The following CEACAM19 variants were observed in gnomAD, a reference collection of about 807,000 sequenced individuals.
CEACAM19 encodes cell adhesion molecule CEACAM19.
CEACAM19 carries 37 observed loss-of-function variants against 37.6 expected under a neutral mutation model. That is an observed-to-expected ratio of 0.98 (90% CI 0.76 to 1.29). CEACAM19 has a LOEUF of 1.29. CEACAM19 is among the 50% of genes most tolerant of loss of function. CEACAM19 has a pLI of 0.00. For synonymous variants in CEACAM19, 140 were observed against 149.8 expected (o/e 0.93, Z 0.48); for missense variants, 340 against 375.6 (o/e 0.91, Z 0.78).
chr19:44,683,433 G>A lies in CEACAM19; in HGVS notation c.847-4G>A, dbSNP rs1974100817. 1 of 1,533,702 alleles carries A rather than the reference G, an allele frequency of 6.5e-7. No individual in the cohort carries two copies. ...TAATTCTGTTCTCTCTTCCCCCCAA[G>A]CAGGACCTGCTAAACCCCGACCCTG... On this transcript the variant is annotated splice_region_variant and splice_polypyrimidine_tract_variant and intron_variant, in intron 7 of 7. Transcript: ENST00000358777.
chr19:44,677,487 T>C (rs529672362), intron 3 of CEACAM19: 88 of 152,152 alleles, frequency 5.8e-4, no homozygotes, highest in African/African-American at 2.0e-3. Flanking sequence ...CAGTCCTGTT[T>C]CCCCCAGGGA....
chr19:44,680,181 C>A, intron 4 of CEACAM19, 107 bp from the exon 5 acceptor site: 1 of 840,298 alleles, frequency 1.2e-6, no homozygotes, highest in Non-Finnish European at 2.0e-6. Flanking sequence ...AAGGAGAGAC[C>A]ATGTGGCTTT....
upstream of CEACAM19, among the ~76,000 whole-genome samples, chr19:44,668,636 ATAT>A (rs1163148179): frequency 1.5e-4 from 8 of 54,584 alleles, no homozygotes; most frequent in South Asian, 5.6e-4. Flanking sequence ...TTATATACAC[ATAT>A]TATATATGTA....
intron 2 of CEACAM19, among the ~76,000 whole-genome samples, chr19:44,675,364 G>A (rs112723153): frequency 0.011 from 1,614 of 152,200 alleles, 28 homozygotes; most frequent in African/African-American, 0.037. Context: ...CCAGGTAGGC[G>A]TGGTCTTAAT....
At position 44,676,257 on chromosome 19, in the gene CEACAM19, C is replaced by T; in HGVS notation, c.425-14C>T. 3 of 1,613,006 alleles carry T rather than the reference C, an allele frequency of 1.9e-6. No homozygotes were observed. The highest frequency in any genetic ancestry group is 2.5e-6 in the Non-Finnish European group (3 of 1,179,308). ...CACAGTCCCCCCTCTCTCTTTCTTTCTCTCACCCCTCAGAAAAGAATAAGG... is the reference window on the plus strand; with the variant it reads ...CACAGTCCCCCCTCTCTCTTTCTTTTTCTCACCCCTCAGAAAAGAATAAGG... On this transcript the variant is annotated splice_polypyrimidine_tract_variant and intron_variant, in intron 2 of 7. Coordinates refer to ENST00000358777, the MANE Select transcript of CEACAM19 (RefSeq NM_001127893.3).
chr19:44,667,444 G>C (rs1973732599), upstream of CEACAM19: 1 of 148,948 alleles, frequency 6.7e-6, no homozygotes, highest in Admixed American at 7.0e-5. Context: ...TGGCTAGTTT[G>C]AGGAACTGCA....
chr19:44,668,220 A>ATTTATATATTATATTTATATAATATG (rs1568512651), upstream of CEACAM19, among the ~76,000 whole-genome samples: 56 of 85,668 alleles, frequency 6.5e-4, no homozygotes, highest in African/African-American at 2.4e-3. Flanking sequence ...TTTATATAAT[A>ATTTATATATTATATTTATATAATATG]TTTATATATT....
chr19:44,675,808 G>T (rs981582008), intron 2 of CEACAM19, among the ~76,000 whole-genome samples: 1 of 151,630 alleles, frequency 6.6e-6, no homozygotes, highest in African/African-American at 2.4e-5. Context: ...AAAAAAATCA[G>T]TTTGATGGGG....
chr19:44,681,178 C>T lies in CEACAM19; in HGVS notation c.707-49C>T, dbSNP rs758001863. On this transcript the variant is annotated intron_variant, in intron 5 of 7. Transcript: ENST00000358777. ...GAATGTCAACAGGCAGTCAGAGTGG[C>T]CTGTGGGGCCCATGTGTCAGCTGGT... The T allele has an allele frequency of 7.0e-6, 9 of 1,284,108 alleles. No individual in the cohort carries two copies. The African/African-American group carries it at 1.2e-4, about 17-fold the overall frequency. 79.5% of individuals were successfully genotyped at this position (1,284,108 alleles called of 1,614,324 possible).
chr19:44,672,195 G>A (rs906192221), intron 1 of CEACAM19, among the ~76,000 whole-genome samples: 2 of 152,184 alleles, frequency 1.3e-5, no homozygotes, highest in African/African-American at 2.4e-5. Context: ...ATTTATGTAT[G>A]TTTGGTTCCC....
At position 44,671,580 on chromosome 19, in the gene CEACAM19, G is replaced by A; in HGVS notation, c.-352G>A. On this transcript the variant is annotated 5_prime_UTR_variant, in exon 1 of 8. Coordinates refer to ENST00000358777, the MANE Select transcript of CEACAM19 (RefSeq NM_001127893.3). ...GGCAGTGTGTGTTTGAACAAACCCA[G>A]GGGAATTGTTCAAACAGAGGCTGTT... 2.4e-6 allele frequency: 1 copy of A among 414,762 alleles called. No individual in the cohort carries two copies. Among genetic ancestry groups the A allele is most frequent in the Non-Finnish European group, 4.3e-6 (1 of 234,792 alleles). The allele number at this position is 414,762 out of a possible 1,614,324, so 25.7% of individuals were successfully genotyped here.
intron 5 of CEACAM19, 75 bp downstream of exon 5, chr19:44,680,409 C>T (rs775145782): frequency 2.1e-4 from 284 of 1,349,826 alleles, no homozygotes; most frequent in Non-Finnish European, 2.7e-4. Flanking sequence ...GCCACAAGCC[C>T]GCTTATTCTC....
At chr19:44,673,866 C>T (rs1973899855) in intron 2 of CEACAM19, 1 of 152,168 alleles carries the variant, frequency 6.6e-6, no homozygotes, top group Admixed American at 6.6e-5. Flanking sequence ...GAGGGAGGTG[C>T]TGTGGCCCCT....
rs1568519345 is a variant in CEACAM19, at chr19:44,683,803, G to A, written c.*313G>A. 3.2e-6 allele frequency: 1 copy of A among 309,468 alleles called. No homozygotes were observed. Among genetic ancestry groups the A allele is most frequent in the Non-Finnish European group, 5.9e-6 (1 of 168,808 alleles). 19.2% of individuals were successfully genotyped at this position (309,468 alleles called of 1,614,324 possible). On this transcript the variant is annotated 3_prime_UTR_variant, in exon 8 of 8. Coordinates refer to ENST00000358777, the MANE Select transcript of CEACAM19 (RefSeq NM_001127893.3). ...CCATGCCAAAGTCCCCCAAGATCTG[G>A]ATATCTGGGGACAAGATGGTGGCCT...
upstream of CEACAM19, among the ~76,000 whole-genome samples, chr19:44,670,322 T>TAAA (rs78422289): frequency 0.013 from 1,684 of 127,200 alleles, 19 homozygotes; most frequent in Non-Finnish European, 0.022. Context: ...GACCCTGTCT[T>TAAA]AAAAAAAAAA....
upstream of CEACAM19, among the ~76,000 whole-genome samples, chr19:44,667,740 A>T (rs1329270015): frequency 4.1e-5 from 3 of 73,294 alleles, no homozygotes; most frequent in African/African-American, 6.3e-5. Context: ...TTATATATAT[A>T]ATATATAAAT....
chr19:44,667,407 C>A (rs1413122196), upstream of CEACAM19: 1 of 150,192 alleles, frequency 6.7e-6, no homozygotes, highest in Admixed American at 6.9e-5. Context: ...AGCCACTGAT[C>A]ACTTGAGGCT....
rs146803455 is a variant in CEACAM19, at chr19:44,675,573, TCCAGGAATTTGAGA to T, written c.425-693_425-680del. On this transcript the variant is annotated intron_variant, in intron 2 of 7. Coordinates refer to ENST00000358777, the MANE Select transcript of CEACAM19 (RefSeq NM_001127893.3). ...GACCAAGGCAGTAGAACTACTTGAG[TCCAGGAATTTGAGA>T]CCAGCCTAAGTAATTTAGTGACACC... 7.3e-3 allele frequency among the ~76,000 whole-genome samples: 1,114 copies of T among 151,932 alleles called. 14 individuals carry two copies. Among genetic ancestry groups the T allele is most frequent in the African/African-American group, 0.025 (1,021 of 41,438 alleles).
At chr19:44,679,199 G>A (rs542112452) in intron 4 of CEACAM19, among the ~76,000 whole-genome samples, 28 of 152,260 alleles carry the variant, frequency 1.8e-4, no homozygotes, top group African/African-American at 6.3e-4. Context: ...CACTTTGTGA[G>A]TCAGGCAGGT....
Sources: gnomAD v4.1 joint callset for allele counts (sites outside exome capture counted in the v4.1 genomes callset) on GRCh38, gnomAD v4.1.1 for gene constraint, MANE v1.5 for transcripts, NCBI Gene and HGNC (gene_info 2026-07-23, HGNC 2026-07-21) for gene names.